NLRC5: variants seen among roughly 807,000 people sequenced by gnomAD.
NLRC5 encodes the protein protein NLRC5.
NLRC5 carries 114 observed loss-of-function variants against 206.9 expected under a neutral mutation model. The observed-to-expected ratio is 0.55, with a 90% CI of 0.47 to 0.64. The LOEUF is 0.64. Among genes scored for constraint, NLRC5 ranks in the 30% least tolerant of loss-of-function variants. The pLI is 0.00. For synonymous variants in NLRC5, 952 were observed against 962.8 expected, an observed-to-expected ratio of 0.99 and a Z score of 0.21; for missense variants, 2,008 against 2,305.5, an observed-to-expected ratio of 0.87 and a Z score of 2.64.
intron 32 of NLRC5, among the ~76,000 whole-genome samples, chr16:57,063,024 T>A (rs922986868): frequency 3.3e-5 from 5 of 152,174 alleles, no homozygotes; most frequent in Admixed American, 3.3e-4. Flanking sequence ...TTTGTCTTTT[T>A]GTGACTGGCT....
intron 30 of NLRC5, 69 bp downstream of exon 30, chr16:57,059,601 A>C (rs1402697201): frequency 7.0e-7 from 1 of 1,420,700 alleles, no homozygotes; most frequent in Non-Finnish European, 9.5e-7. Context: ...GGCGGCCTCC[A>C]TGGCCCCCTC....
At position 57,051,708 on chromosome 16, in the gene NLRC5, C is replaced by G. The variant is rs576699239; in HGVS notation, c.3506+87C>G. The G allele has an allele frequency of 5.0e-5, 49 of 977,340 alleles. No individual in the cohort carries two copies. The African/African-American group carries it at 7.2e-4, about 14-fold the overall frequency. 60.5% of individuals were successfully genotyped at this position (977,340 alleles called of 1,614,324 possible). On this transcript the variant is annotated intron_variant, in intron 24 of 48. Coordinates refer to ENST00000688547, the MANE Select transcript of NLRC5 (RefSeq NM_001384950.1). ...TGGCAAAGCTGTACCTGCCCTCTAA[C>G]CCCTCAACCCCCCGCCTTTACCCCC...
At chr16:57,034,085 A>T in intron 12 of NLRC5, 83 bp from the exon 13 acceptor site, 1 of 1,160,394 alleles carries the variant, frequency 8.6e-7, no homozygotes. Context: ...GGGCCCCCTG[A>T]CTCCCCCAGC....
intron 38 of NLRC5, among the ~76,000 whole-genome samples, chr16:57,073,787 T>C (rs1457761603): frequency 6.6e-6 from 1 of 152,146 alleles, no homozygotes; most frequent in Non-Finnish European, 1.5e-5. Flanking sequence ...GGAGATGGGG[T>C]TTCACTTTGT....
Position 57,030,059 on chromosome 16 carries a change from C to A in NLRC5, c.2392C>A (p.Pro798Thr). The A allele has an allele frequency of 6.2e-7, 1 of 1,614,072 alleles. No individual in the cohort carries two copies. The highest frequency in any genetic ancestry group is 1.1e-5 in the South Asian group (1 of 91,072). The change falls in exon 10 of 49, where the codon CCT becomes ACT. Residue 798 changes from proline (P) to threonine (T), a missense_variant. Physicochemically the swap from Pro to Thr is conservative, Grantham distance 38 (BLOSUM62 -1). Transcript: ENST00000688547. ...CTTGGCAAGGGTGGCAGTCACGTGTCCTACCGTCAGGATGCTTCAGGCCAG... is the reference window on the plus strand; with the variant it reads ...CTTGGCAAGGGTGGCAGTCACGTGTACTACCGTCAGGATGCTTCAGGCCAG... ...LCLARVAVTC[P>T]TVRMLQAREA...
chr16:57,033,460 G>T, intron 11 of NLRC5, 144 bp from the exon 12 acceptor site: 2 of 706,844 alleles, frequency 2.8e-6, no homozygotes, highest in Non-Finnish European at 5.0e-6. Context: ...CACATCTTGA[G>T]CATCTGCAAG....
Position 57,070,552 on chromosome 16 carries a change from T to G in NLRC5, c.4601T>G (p.Phe1534Cys). ...LEELDLSNNQ[F>C]DEEGTKALMR... ...TTCTGCAGCTTGTCTAACAATCAAT[T>G]TGATGAGGAGGGCACCAAGGCGCTG... Residue 1534 changes from phenylalanine to cysteine, a missense_variant, in exon 38 of 49, where the codon TTT becomes TGT. By Grantham distance (205) the Phe-to-Cys change is radical. Coordinates refer to ENST00000688547, the MANE Select transcript of NLRC5 (RefSeq NM_001384950.1). 2.5e-6 allele frequency: 4 copies of G among 1,613,726 alleles called. No individual in the cohort carries two copies. Among genetic ancestry groups the G allele is most frequent in the Non-Finnish European group, 3.4e-6 (4 of 1,179,734 alleles).
intron 32 of NLRC5, 34 bp from the exon 33 acceptor site, chr16:57,065,178 G>A (rs368426512): frequency 1.4e-6 from 2 of 1,415,124 alleles, no homozygotes; most frequent in African/African-American, 1.4e-5. Context: ...TGCTCACCTT[G>A]GGGGGGCCTT....
intron 15 of NLRC5, 97 bp downstream of exon 15, chr16:57,037,381 C>G: frequency 8.9e-7 from 1 of 1,117,558 alleles, no homozygotes; most frequent in Admixed American, 1.8e-5. Context: ...TTGGGACGGG[C>G]AGAAGATGCT....
At chr16:57,028,226 T>C (rs2061445268) in intron 7 of NLRC5, 71 bp downstream of exon 7, 1 of 1,577,042 alleles carries the variant, frequency 6.3e-7, no homozygotes, top group Admixed American at 1.7e-5. Flanking sequence ...CTCTCCTTAA[T>C]CCTACACAAG....
Position 57,033,599 on chromosome 16 carries a change from G to A in NLRC5, c.2478-5G>A. ...CCAGGCCAATGCTTGATTTGTTCTT[G>A]CCAGAGCTCCAGACCTGCAGGAAAG... On this transcript the variant is annotated splice_region_variant and splice_polypyrimidine_tract_variant and intron_variant, in intron 11 of 48. Transcript: ENST00000688547. 1.2e-6 allele frequency: 2 copies of A among 1,614,014 alleles called. No individual in the cohort carries two copies. Among genetic ancestry groups the A allele is most frequent in the Non-Finnish European group, 1.7e-6 (2 of 1,179,946 alleles).
chr16:57,047,634 T>C lies in NLRC5; in HGVS notation c.3422+6T>C. 1 of 1,610,818 alleles carries C rather than the reference T, an allele frequency of 6.2e-7. No individual in the cohort carries two copies. Among genetic ancestry groups the C allele is most frequent in the Non-Finnish European group, 8.5e-7 (1 of 1,178,446 alleles). Reference sequence around the variant, plus strand: ...CCGGGACCCCTGGAACTGCAGTAAGTAACGAGGACACAGCCCCAGAGGGCA... The same window carrying C: ...CCGGGACCCCTGGAACTGCAGTAAGCAACGAGGACACAGCCCCAGAGGGCA... On this transcript the variant is annotated splice_donor_region_variant and intron_variant, in intron 23 of 48. Transcript: ENST00000688547.
intron 21 of NLRC5, among the ~76,000 whole-genome samples, chr16:57,045,984 A>T (rs904825990): frequency 6.6e-6 from 1 of 152,248 alleles, no homozygotes; most frequent in Admixed American, 6.5e-5. Context: ...TAGTGGGACC[A>T]GGCCTCTTGG....
At position 57,045,509 on chromosome 16, in the gene NLRC5, C is replaced by G. The variant is rs775979115; in HGVS notation, c.3248+17C>G. 1 of 1,613,196 alleles carries G rather than the reference C, an allele frequency of 6.2e-7. No homozygotes were observed. On this transcript the variant is annotated intron_variant, in intron 21 of 48. Coordinates refer to ENST00000688547, the MANE Select transcript of NLRC5 (RefSeq NM_001384950.1). ...GACAAGCAGGTGAGGAGGGAACGCT[C>G]GGGGTGGGGGAGTCCCCTCCCGCTC...
At chr16:57,003,378 T>A (rs1420878904) in intron 1 of NLRC5, among the ~76,000 whole-genome samples, 1 of 152,128 alleles carries the variant, frequency 6.6e-6, no homozygotes, top group Non-Finnish European at 1.5e-5. Context: ...TGTGCCAGGT[T>A]CCATGTCAGG....
At chr16:57,024,905 G>A (rs2061110536) in intron 5 of NLRC5, among the ~76,000 whole-genome samples, 1 of 152,088 alleles carries the variant, frequency 6.6e-6, no homozygotes, top group South Asian at 2.1e-4. Context: ...AGCTACTCAG[G>A]AGGCTGAGGC....
intron 39 of NLRC5, chr16:57,076,060 T>C: frequency 5.0e-6 from 1 of 199,150 alleles, no homozygotes; most frequent in Non-Finnish European, 1.1e-5. Flanking sequence ...ATTACAGGTA[T>C]GCACCACCAC....
rs2061241744 is a variant in NLRC5, at chr16:57,026,025, TGG to T, written c.1083_1084del (p.Met361IlefsTer7). ...GCCTGCCTGCCTGCAGAGGCAGCCA[TGG>T]TCCACATGTTGGGCTTTGATGGGCC... On this transcript the variant is annotated frameshift_variant, in exon 6 of 49. Transcript: ENST00000688547. LOFTEE classifies it high-confidence loss of function. The T allele has an allele frequency of 6.2e-7, 1 of 1,613,918 alleles. No homozygotes were observed. Among genetic ancestry groups the T allele is most frequent in the Non-Finnish European group, 8.5e-7 (1 of 1,180,046 alleles).
In NLRC5 at chr16:57,026,804, G is replaced by A; in HGVS notation, c.1861G>A (p.Glu621Lys). ...KVVELCHCVD[E>K]TQEPELASLT... is the part of the protein sequence containing the mutation. Reference sequence around the variant, plus strand: ...TGTAGAGCTGTGTCACTGTGTGGATGAGACACAGGAGCCTGAGCTGGCCAG... The same window carrying A: ...TGTAGAGCTGTGTCACTGTGTGGATAAGACACAGGAGCCTGAGCTGGCCAG... Residue 621 changes from glutamate to lysine, a missense_variant, in exon 6 of 49, where the codon GAG becomes AAG. By Grantham distance (56) the Glu-to-Lys change is moderately conservative. Coordinates refer to ENST00000688547, the MANE Select transcript of NLRC5 (RefSeq NM_001384950.1). 1 of 1,614,192 alleles carries A rather than the reference G, an allele frequency of 6.2e-7. No individual in the cohort carries two copies. Among genetic ancestry groups the A allele is most frequent in the Non-Finnish European group, 8.5e-7 (1 of 1,180,032 alleles).
Sources: allele counts gnomAD v4.1 joint callset (sites outside exome capture counted in the v4.1 genomes callset), GRCh38; gene constraint gnomAD v4.1.1; transcripts MANE v1.5; gene names NCBI Gene and HGNC (gene_info 2026-07-23, HGNC 2026-07-21).